The following TRPM7 variants were observed in gnomAD, a reference collection of about 807,000 sequenced individuals.
The protein encoded by TRPM7 is transient receptor potential cation channel subfamily M member 7.
Under a neutral mutation model 229.7 loss-of-function variants are expected in TRPM7, and 134 were observed. The ratio of observed to expected loss-of-function variants is 0.58; its 90% CI spans 0.51 to 0.67. The LOEUF is 0.67. Among genes scored for constraint, TRPM7 ranks in the 30% least tolerant of loss-of-function variants. The probability of loss-of-function intolerance (pLI) is 0.00; values close to 1 mark genes in which losing one functional copy is unlikely to be tolerated. For missense variants in TRPM7, 1,901 were observed against 2,210.0 expected, an observed-to-expected ratio of 0.86 and a Z score of 2.80; for synonymous variants, 699 against 715.2, an observed-to-expected ratio of 0.98 and a Z score of 0.36.
chr15:50,570,314 T>C (rs2053814655), intron 36 of TRPM7, among the ~76,000 whole-genome samples, 159 bp from the exon 37 acceptor site: 1 of 152,202 alleles, frequency 6.6e-6, no homozygotes, highest in Non-Finnish European at 1.5e-5. Flanking sequence ...TCTTTTGATA[T>C]TTCATAACTT....
intron 7 of TRPM7, among the ~76,000 whole-genome samples, chr15:50,635,019 AAATT>A: frequency 6.6e-6 from 1 of 152,292 alleles, no homozygotes; most frequent in East Asian, 1.9e-4. Flanking sequence ...ATTAAAATAG[AAATT>A]AATGACAGTC....
intron 33 of TRPM7, 93 bp downstream of exon 33, chr15:50,575,628 ACTT>A: frequency 9.7e-7 from 1 of 1,026,334 alleles, no homozygotes; most frequent in Non-Finnish European, 1.4e-6. Context: ...TGAAATTGAT[ACTT>A]CTTAATGTAA....
In TRPM7 at chr15:50,604,104, A is replaced by G. The variant is rs116731708; in HGVS notation, c.2988+762T>C. 1.9e-3 allele frequency: 291 copies of G among 152,338 alleles called. 1 individual carries two copies. Among genetic ancestry groups the G allele is most frequent in the African/African-American group, 6.4e-3 (267 of 41,580 alleles). The allele number at this position is 152,338 out of a possible 1,614,324, so 9.4% of individuals were successfully genotyped here. A position where few individuals can be genotyped will look rare whatever the true frequency, so the allele number is the denominator to read the frequency against. ...CTGAAAACTAAAAGGAATTACGGCA[A>G]GGAGTAGACCCAATATATTTCAGAT... On this transcript the variant is annotated intron_variant, in intron 21 of 38. Coordinates refer to ENST00000646667, the MANE Select transcript of TRPM7 (RefSeq NM_017672.6).
At chr15:50,677,646 G>A (rs1354852425) in intron 1 of TRPM7, among the ~76,000 whole-genome samples, 1 of 144,232 alleles carries the variant, frequency 6.9e-6, no homozygotes, top group Non-Finnish European at 1.5e-5. Flanking sequence ...GGCTGAGGCA[G>A]AAGAATTGCT....
At chr15:50,577,917 G>C (rs1466869476) in intron 31 of TRPM7, among the ~76,000 whole-genome samples, 1 of 152,068 alleles carries the variant, frequency 6.6e-6, no homozygotes, top group Admixed American at 6.6e-5. Context: ...CAATATTGAT[G>C]AATTTTATAA....
At chr15:50,601,007 T>C (rs576926912) in intron 21 of TRPM7, among the ~76,000 whole-genome samples, 100 of 152,336 alleles carry the variant, frequency 6.6e-4, no homozygotes, top group African/African-American at 2.3e-3. Context: ...AGAGAATGCA[T>C]GCTTTCAAAT....
chr15:50,611,139 T>C lies in TRPM7; in HGVS notation c.2234A>G (p.Asp745Gly). Residue 745 changes from aspartate to glycine, a missense_variant, in exon 17 of 39, where the codon GAT becomes GGT. By Grantham distance (94) the Asp-to-Gly change is moderately conservative (BLOSUM62 -1). Coordinates refer to ENST00000646667, the MANE Select transcript of TRPM7 (RefSeq NM_017672.6). ...CATATTCAGCCTTCCCATCCACATA[T>C]CAGATAACAACATTTGTGTACAGGT... ...AHTCTQMLLS[D>G]MWMGRLNMRK... 6.2e-7 allele frequency: 1 copy of C among 1,613,924 alleles called. No individual in the cohort carries two copies. The highest frequency in any genetic ancestry group is 8.5e-7 in the Non-Finnish European group (1 of 1,179,892).
At chr15:50,621,210 G>C (rs1038127791) in intron 12 of TRPM7, among the ~76,000 whole-genome samples, 4 of 151,084 alleles carry the variant, frequency 2.6e-5, no homozygotes, top group African/African-American at 9.7e-5. Flanking sequence ...TCAACTCAGG[G>C]GCTAAGTTCT....
chr15:50,563,217 G>A (rs1009938284), intron 38 of TRPM7, among the ~76,000 whole-genome samples: 3 of 152,274 alleles, frequency 2.0e-5, no homozygotes, highest in Non-Finnish European at 2.9e-5. Context: ...ACACCACGAC[G>A]GTAGAACTGT....
At chr15:50,629,877 T>C (rs112446480) in intron 10 of TRPM7, among the ~76,000 whole-genome samples, 1 of 148,602 alleles carries the variant, frequency 6.7e-6, no homozygotes. Context: ...TTTTTTTTTT[T>C]TTTGGAGACA....
chr15:50,645,643 A>G (rs116831274), intron 4 of TRPM7, among the ~76,000 whole-genome samples: 4,427 of 152,256 alleles, frequency 0.029, 233 homozygotes, highest in African/African-American at 0.1. Flanking sequence ...GATTTGTTCT[A>G]TAATAAGTCT....
chr15:50,580,876 TTC>T lies in TRPM7; in HGVS notation c.4588_4589del (p.Glu1530AsnfsTer4). On this transcript the variant is annotated frameshift_variant, in exon 30 of 39. Coordinates refer to ENST00000646667, the MANE Select transcript of TRPM7 (RefSeq NM_017672.6). LOFTEE classifies it high-confidence loss of function. ...DWLQDRPSNR[E>X]MPSEEGTLNG... Reference sequence around the variant, plus strand: ...ATGGTAAGAAAAAGCTTACTTACATTTCTCTGTTTGATGGTCTATCTTGTAAC... The same window carrying T: ...ATGGTAAGAAAAAGCTTACTTACATTTCTGTTTGATGGTCTATCTTGTAAC... 4 of 1,584,548 alleles carry T rather than the reference TTC, an allele frequency of 2.5e-6. No homozygotes were observed. Among genetic ancestry groups the T allele is most frequent in the Non-Finnish European group, 3.4e-6 (4 of 1,170,998 alleles).
rs1181812297 is a variant in TRPM7, at chr15:50,654,918, A to G, written c.122+2863T>C. Reference sequence around the variant, plus strand: ...CGGGAGGCTGAGGCAGGAGAATGGCATGAACCCAGGATGCAGAGCTTGCAG... The same window carrying G: ...CGGGAGGCTGAGGCAGGAGAATGGCGTGAACCCAGGATGCAGAGCTTGCAG... On this transcript the variant is annotated intron_variant, in intron 3 of 38. Transcript: ENST00000646667. 6.1e-5 allele frequency among the ~76,000 whole-genome samples: 9 copies of G among 146,902 alleles called. 1 individual carries two copies. Among genetic ancestry groups the G allele is most frequent in the Admixed American group, 6.8e-5 (1 of 14,714 alleles).
At chr15:50,620,181 A>C (rs2060348696) in intron 12 of TRPM7, among the ~76,000 whole-genome samples, 1 of 152,228 alleles carries the variant, frequency 6.6e-6, no homozygotes, top group South Asian at 2.1e-4. Flanking sequence ...TTGGGTAACA[A>C]GACTTTAACA....
At chr15:50,621,788 T>C (rs1054475413) in intron 12 of TRPM7, among the ~76,000 whole-genome samples, 2 of 152,166 alleles carry the variant, frequency 1.3e-5, no homozygotes, top group Non-Finnish European at 1.5e-5. Flanking sequence ...CCCAGCACTT[T>C]GGGAGGTCGA....
intron 33 of TRPM7, 96 bp from the exon 34 acceptor site, chr15:50,575,231 A>G: frequency 1.8e-6 from 2 of 1,083,750 alleles, no homozygotes; most frequent in Non-Finnish European, 2.6e-6. Flanking sequence ...ATTAAGGAAC[A>G]GAAGATAAAA....
intron 16 of TRPM7, 103 bp downstream of exon 16, chr15:50,612,446 C>A: frequency 1.1e-6 from 1 of 945,016 alleles, no homozygotes; most frequent in Non-Finnish European, 1.6e-6. Context: ...TAAGATTATA[C>A]ATATAAATAC....
chr15:50,658,409 C>CA (rs961282470), intron 2 of TRPM7, among the ~76,000 whole-genome samples: 43 of 143,548 alleles, frequency 3.0e-4, no homozygotes, highest in East Asian at 2.2e-3. Flanking sequence ...TCCGTCTCTA[C>CA]AAAAAAAAAA....
chr15:50,649,947 C>A (rs1034174912), intron 3 of TRPM7, among the ~76,000 whole-genome samples: 1 of 152,006 alleles, frequency 6.6e-6, no homozygotes, highest in Non-Finnish European at 1.5e-5. Context: ...GTAATCCCAG[C>A]ACTTTGGGAG....
Sources: allele counts gnomAD v4.1 joint callset (sites outside exome capture counted in the v4.1 genomes callset), GRCh38; gene constraint gnomAD v4.1.1; transcripts MANE v1.5; gene names NCBI Gene and HGNC (gene_info 2026-07-23, HGNC 2026-07-21).